The following RARB variants were observed in gnomAD, a reference collection of about 807,000 sequenced individuals.
The protein encoded by RARB is retinoic acid receptor beta.
In RARB, 17 loss-of-function variants were observed where a neutral mutation model predicts 51.9. The ratio of observed to expected loss-of-function variants is 0.33; its 90% CI spans 0.22 to 0.49. The LOEUF (loss-of-function observed/expected upper bound fraction) is 0.49. Ranked by LOEUF, RARB falls within the 20% of genes least tolerant of loss-of-function variation. RARB has a pLI of 0.99. For missense variants in RARB, 369 were observed against 550.8 expected, an observed-to-expected ratio of 0.67 and a Z score of 3.30; for synonymous variants, 215 against 195.4, an observed-to-expected ratio of 1.10 and a Z score of -0.84.
intron 3 of RARB, among the ~76,000 whole-genome samples, chr3:25,530,448 A>G (rs11714409): frequency 0.021 from 3,147 of 152,298 alleles, 45 homozygotes; most frequent in Non-Finnish European, 0.035. Flanking sequence ...CTGAACTAAG[A>G]TCAAGAATTT....
chr3:24,835,846 G>C (rs989737472), intron 1 of RARB, among the ~76,000 whole-genome samples: 1 of 152,148 alleles, frequency 6.6e-6, no homozygotes, highest in Non-Finnish European at 1.5e-5. Context: ...GGCCCCGGGG[G>C]CCCAAGTTAT....
chr3:25,050,152 T>C (rs1698298016), intron 2 of RARB, among the ~76,000 whole-genome samples: 1 of 152,232 alleles, frequency 6.6e-6, no homozygotes, highest in Non-Finnish European at 1.5e-5. Flanking sequence ...GGCTTGGAGT[T>C]TTGTGTGACA....
At chr3:25,048,772 T>TTC (rs386396171) in intron 2 of RARB, among the ~76,000 whole-genome samples, 7 of 149,612 alleles carry the variant, frequency 4.7e-5, no homozygotes, top group South Asian at 2.1e-4. Flanking sequence ...TTTTTTTTTT[T>TTC]TGAGACGGAG....
In RARB at chr3:25,280,654, G is replaced by A. The variant is rs148103038; in HGVS notation, c.178+106079G>A. Among the ~76,000 whole-genome samples the A allele has an allele frequency of 2.4e-3, 361 of 152,228 alleles. 1 individual carries two copies. The highest frequency in any genetic ancestry group is 8.4e-3 in the African/African-American group (350 of 41,546). On this transcript the variant is annotated intron_variant, in intron 5 of 11. Transcript: ENST00000383772. ...ACAGAGACACAGATGTTACGTCAACGTTTATTGAGTTCTTCAAATTAGGAT... is the reference window on the plus strand; with the variant it reads ...ACAGAGACACAGATGTTACGTCAACATTTATTGAGTTCTTCAAATTAGGAT...
At chr3:25,276,691 A>G (rs1395892359) in intron 5 of RARB, among the ~76,000 whole-genome samples, 1 of 152,218 alleles carries the variant, frequency 6.6e-6, no homozygotes, top group African/African-American at 2.4e-5. Context: ...TTAGCATAGG[A>G]AAGGCCTAAA....
chr3:25,248,727 A>G (rs931187622), intron 5 of RARB, among the ~76,000 whole-genome samples: 1 of 151,866 alleles, frequency 6.6e-6, no homozygotes, highest in Non-Finnish European at 1.5e-5. Context: ...TTGGCTGGCA[A>G]TTTTTTCTTT....
intron 2 of RARB, among the ~76,000 whole-genome samples, chr3:24,895,958 AATC>A (rs1452546848): frequency 2.0e-5 from 3 of 152,216 alleles, no homozygotes; most frequent in Non-Finnish European, 4.4e-5. Flanking sequence ...AGTGGAAACA[AATC>A]ATATCTATAA....
chr3:25,420,882 A>C (rs887253789), intron 5 of RARB, among the ~76,000 whole-genome samples: 3 of 151,954 alleles, frequency 2.0e-5, no homozygotes, highest in Admixed American at 6.6e-5. Context: ...ATAACAGATG[A>C]TAACACAAGA....
chr3:25,548,101 CTT>C (rs66817079), intron 3 of RARB, among the ~76,000 whole-genome samples: 30,184 of 125,744 alleles, frequency 0.24, 2,932 homozygotes, highest in East Asian at 0.35. Context: ...ATTCATTTGG[CTT>C]TTTTTTTTTT....
At chr3:24,892,401 A>G (rs141497214) in intron 2 of RARB, among the ~76,000 whole-genome samples, 2 of 152,216 alleles carry the variant, frequency 1.3e-5, no homozygotes, top group Non-Finnish European at 2.9e-5. Context: ...TGATGGTATA[A>G]ACTGCTCAGT....
intron 2 of RARB, among the ~76,000 whole-genome samples, chr3:25,042,032 A>G (rs1217012562): frequency 6.6e-6 from 1 of 152,104 alleles, no homozygotes; most frequent in African/African-American, 2.4e-5. Flanking sequence ...GTGTAATAAC[A>G]TCGGGAGTGG....
At chr3:25,033,000 C>A (rs766890640) in intron 2 of RARB, among the ~76,000 whole-genome samples, 23 of 152,202 alleles carry the variant, frequency 1.5e-4, no homozygotes, top group Non-Finnish European at 3.1e-4. Flanking sequence ...TCCCTCATCA[C>A]ACATCAACTT....
At chr3:25,124,039 C>G (rs562064531) in intron 3 of RARB, among the ~76,000 whole-genome samples, 1 of 152,104 alleles carries the variant, frequency 6.6e-6, no homozygotes, top group Non-Finnish European at 1.5e-5. Flanking sequence ...TATTATGTTG[C>G]CAGTACTCAC....
intron 2 of RARB, among the ~76,000 whole-genome samples, chr3:24,917,582 G>A (rs566767533): frequency 6.3e-4 from 96 of 152,338 alleles, no homozygotes; most frequent in African/African-American, 2.2e-3. Context: ...CCAGACTAGA[G>A]TACAGTGGTG....
intron 2 of RARB, among the ~76,000 whole-genome samples, chr3:24,984,602 G>A (rs966073229): frequency 2.6e-5 from 4 of 152,130 alleles, no homozygotes; most frequent in African/African-American, 9.7e-5. Context: ...GAGAGGTGGC[G>A]AAAACAGAGA....
chr3:25,033,578 G>A (rs923842431), intron 2 of RARB, among the ~76,000 whole-genome samples: 4 of 152,130 alleles, frequency 2.6e-5, no homozygotes, highest in Admixed American at 1.3e-4. Flanking sequence ...GAGACATGCC[G>A]ATTATGTTGA....
At chr3:25,085,223 A>G (rs898213300) in intron 3 of RARB, among the ~76,000 whole-genome samples, 2 of 152,208 alleles carry the variant, frequency 1.3e-5, no homozygotes, top group Admixed American at 1.3e-4. Context: ...AAATATGAAA[A>G]TAGAATTTCT....
At chr3:24,965,115 T>C (rs1335887081) in intron 2 of RARB, among the ~76,000 whole-genome samples, 1 of 152,230 alleles carries the variant, frequency 6.6e-6, no homozygotes, top group South Asian at 2.1e-4. Flanking sequence ...TTTAGAGTCA[T>C]GTTTACTAAG....
chr3:25,007,345 G>A (rs1162812657), intron 2 of RARB, among the ~76,000 whole-genome samples: 2 of 152,020 alleles, frequency 1.3e-5, no homozygotes, highest in Non-Finnish European at 2.9e-5. Flanking sequence ...CACACTCATG[G>A]CCGGGTGTAG....
Sources: allele counts gnomAD v4.1 joint callset (sites outside exome capture counted in the v4.1 genomes callset), GRCh38; gene constraint gnomAD v4.1.1; transcripts MANE v1.5; gene names NCBI Gene and HGNC (gene_info 2026-07-23, HGNC 2026-07-21).